Variants in PKNOX2 observed in about 807,000 individuals in gnomAD.
PKNOX2 encodes homeobox protein PKNOX2.
Under a neutral mutation model 53.1 loss-of-function variants are expected in PKNOX2, and 14 were observed. The ratio of observed to expected loss-of-function variants is 0.26; its 90% CI spans 0.17 to 0.41. The LOEUF (loss-of-function observed/expected upper bound fraction) is 0.41, where lower values mean the gene tolerates loss of function less well. PKNOX2 is among the 10% of genes least tolerant of loss of function. The pLI, the probability that PKNOX2 is intolerant of heterozygous loss-of-function variation, is 1.00. For missense variants in PKNOX2, 496 were observed against 602.8 expected (o/e 0.82, Z 1.85); for synonymous variants, 257 against 242.8 (o/e 1.06, Z -0.54).
intron 3 of PKNOX2, chr11:125,332,477 G>C (rs2136113953): frequency 6.6e-6 from 1 of 152,252 alleles, no homozygotes; most frequent in African/African-American, 2.4e-5. Context: ...ATTTTGAATA[G>C]AGAATCTCAT....
At chr11:125,327,056 C>A (rs1459346488) in intron 2 of PKNOX2, among the ~76,000 whole-genome samples, 1 of 152,188 alleles carries the variant, frequency 6.6e-6, no homozygotes, top group Non-Finnish European at 1.5e-5. Flanking sequence ...CTTGGGCCAA[C>A]TGGGACAAAA....
intron 1 of PKNOX2, among the ~76,000 whole-genome samples, chr11:125,183,638 T>C (rs1161243338): frequency 6.6e-6 from 1 of 152,130 alleles, no homozygotes; most frequent in East Asian, 1.9e-4. Context: ...GACTCTTTTT[T>C]TATTAACTTT....
At chr11:125,418,503 C>T (rs1032034446) in intron 10 of PKNOX2, among the ~76,000 whole-genome samples, 2 of 152,016 alleles carry the variant, frequency 1.3e-5, no homozygotes, top group Admixed American at 6.5e-5. Flanking sequence ...ATGCCGGGCT[C>T]CTTCTGGCTG....
At chr11:125,360,986 AGCTCT>A (rs1951894090) in intron 4 of PKNOX2, among the ~76,000 whole-genome samples, 1 of 152,190 alleles carries the variant, frequency 6.6e-6, no homozygotes, top group African/African-American at 2.4e-5. Flanking sequence ...CATTGTTTCC[AGCTCT>A]GGGCTGGACA....
intron 2 of PKNOX2, among the ~76,000 whole-genome samples, chr11:125,259,882 T>C (rs970237717): frequency 6.6e-6 from 1 of 152,008 alleles, no homozygotes; most frequent in African/African-American, 2.4e-5. Flanking sequence ...TTAATTCTTT[T>C]TTTTTTTTTA....
chr11:125,215,029 C>T (rs1446388778), intron 1 of PKNOX2, among the ~76,000 whole-genome samples: 1 of 152,042 alleles, frequency 6.6e-6, no homozygotes, highest in Non-Finnish European at 1.5e-5. Context: ...GGGAGAGCGT[C>T]CGCGAAGGAA....
At chr11:125,208,087 A>G (rs980591202) in intron 1 of PKNOX2, among the ~76,000 whole-genome samples, 1 of 152,104 alleles carries the variant, frequency 6.6e-6, no homozygotes, top group Non-Finnish European at 1.5e-5. Context: ...ATGAGGAAAC[A>G]TTACTTCTCC....
At chr11:125,279,090 A>T (rs1188614644) in intron 2 of PKNOX2, among the ~76,000 whole-genome samples, 1 of 152,178 alleles carries the variant, frequency 6.6e-6, no homozygotes, top group East Asian at 1.9e-4. Context: ...GAAACCAGAG[A>T]GCTTAGATTC....
At chr11:125,246,763 CT>C (rs1943598370) in intron 2 of PKNOX2, among the ~76,000 whole-genome samples, 1 of 152,132 alleles carries the variant, frequency 6.6e-6, no homozygotes, top group Non-Finnish European at 1.5e-5. Flanking sequence ...GTGCATTTTG[CT>C]TTTTCTTCCA....
chr11:125,357,025 A>G (rs573715415), intron 4 of PKNOX2, among the ~76,000 whole-genome samples: 1 of 152,370 alleles, frequency 6.6e-6, no homozygotes, highest in South Asian at 2.1e-4. Flanking sequence ...GAGTTAATTC[A>G]GCAGCTTTGA....
At chr11:125,298,530 A>G (rs557350865) in intron 2 of PKNOX2, among the ~76,000 whole-genome samples, 1 of 152,306 alleles carries the variant, frequency 6.6e-6, no homozygotes, top group South Asian at 2.1e-4. Flanking sequence ...GTAGAAACTC[A>G]GCCTCCCTCT....
chr11:125,426,360 T>C (rs897907210), intron 10 of PKNOX2, among the ~76,000 whole-genome samples: 2 of 152,246 alleles, frequency 1.3e-5, no homozygotes, highest in African/African-American at 4.8e-5. Context: ...TTCCCATTAA[T>C]AGAGAGGCTT....
intron 2 of PKNOX2, among the ~76,000 whole-genome samples, chr11:125,279,443 T>C (rs60805654): frequency 0.055 from 8,324 of 152,214 alleles, 721 homozygotes; most frequent in African/African-American, 0.19. Flanking sequence ...TGGCCTCGCA[T>C]GTCAGATGAG....
chr11:125,189,419 G>GTATATATATATGTGTGTATATA (rs1277612431), intron 1 of PKNOX2, among the ~76,000 whole-genome samples: 1 of 40,214 alleles, frequency 2.5e-5, no homozygotes, highest in African/African-American at 8.5e-5. Context: ...ATATATGTGT[G>GTATATATATATGTGTGTATATA]TGTGTGTGTG....
chr11:125,316,241 C>T (rs1287176285), intron 2 of PKNOX2, among the ~76,000 whole-genome samples: 1 of 152,178 alleles, frequency 6.6e-6, no homozygotes, highest in Admixed American at 6.5e-5. Flanking sequence ...TGGACTTATC[C>T]GCATCTGTTG....
At chr11:125,331,291 T>C (rs1950127009) in intron 2 of PKNOX2, among the ~76,000 whole-genome samples, 1 of 152,184 alleles carries the variant, frequency 6.6e-6, no homozygotes, top group African/African-American at 2.4e-5. Context: ...TTTAGGCCCA[T>C]TCCCCTCCGA....
At chr11:125,365,757 A>G (rs1952156595) in intron 4 of PKNOX2, among the ~76,000 whole-genome samples, 2 of 152,234 alleles carry the variant, frequency 1.3e-5, no homozygotes, top group Non-Finnish European at 2.9e-5. Context: ...ATTGTCCACC[A>G]GGCTGCATCT....
chr11:125,410,084 A>G (rs1955407063), intron 7 of PKNOX2, 112 bp from the exon 8 acceptor site: 8 of 1,428,070 alleles, frequency 5.6e-6, no homozygotes, highest in Admixed American at 2.1e-5. Flanking sequence ...GGGAGGAGCT[A>G]GAAGGAGGGA....
chr11:125,242,132 C>T (rs1365945159), intron 2 of PKNOX2, among the ~76,000 whole-genome samples: 1 of 152,172 alleles, frequency 6.6e-6, no homozygotes, highest in African/African-American at 2.4e-5. Flanking sequence ...GGTTCCCCGT[C>T]TATGTGGGGG....
Sources: gnomAD v4.1 joint callset for allele counts (sites outside exome capture counted in the v4.1 genomes callset) on GRCh38, gnomAD v4.1.1 for gene constraint, MANE v1.5 for transcripts, NCBI Gene and HGNC (gene_info 2026-07-23, HGNC 2026-07-21) for gene names.